Variants in RAD51 observed in about 807,000 individuals in gnomAD.
RAD51 encodes DNA repair protein RAD51 homolog 1.
RAD51 carries 14 observed loss-of-function variants against 41.5 expected under a neutral mutation model. The observed-to-expected ratio is 0.34, with a 90% CI of 0.22 to 0.53. RAD51 has a LOEUF of 0.53. Ranked by LOEUF, RAD51 falls within the 20% of genes least tolerant of loss-of-function variation. The pLI is 0.95. For missense variants in RAD51, 234 were observed against 422.0 expected (o/e 0.55, Z 3.90); for synonymous variants, 136 against 148.6 (o/e 0.92, Z 0.62).
chr15:40,728,440 AG>A (rs1446922892), intron 6 of RAD51, among the ~76,000 whole-genome samples: 1 of 150,478 alleles, frequency 6.6e-6, no homozygotes, highest in Admixed American at 6.7e-5. Flanking sequence ...TGACAGAGCA[AG>A]ACTCCGTCTC....
At position 40,697,873 on chromosome 15, in the gene RAD51, T is replaced by C. The variant is rs542488530; in HGVS notation, c.-2-884T>C. ...GCCCAAGATGATATTTCAATACATA[T>C]ATACATTGTATAATGAATGATCAAA... is the stretch of plus-strand genomic sequence containing the variant. On this transcript the variant is annotated intron_variant, in intron 1 of 9. Transcript: ENST00000267868. Among the ~76,000 whole-genome samples, 7 of 152,306 alleles carry C rather than the reference T, an allele frequency of 4.6e-5. No homozygotes were observed. The South Asian group carries it at 1.5e-3, about 32-fold the overall frequency.
Position 40,731,198 on chromosome 15 carries a change from G to C in RAD51, c.*20G>C, listed in dbSNP as rs776759010. ...GACTGAATCATTGGGTTTTTCCTCT[G>C]TTAAAAACCTTAAGTGCTGCAGCCT... is the stretch of plus-strand genomic sequence containing the variant. On this transcript the variant is annotated 3_prime_UTR_variant, in exon 10 of 10. Coordinates refer to ENST00000267868, the MANE Select transcript of RAD51 (RefSeq NM_002875.5). 1.2e-6 allele frequency: 2 copies of C among 1,613,748 alleles called. No individual in the cohort carries two copies. Among genetic ancestry groups the C allele is most frequent in the Admixed American group, 3.3e-5 (2 of 59,970 alleles).
In RAD51 at chr15:40,726,171, T is replaced by C. The variant is rs1476930126; in HGVS notation, c.531-2540T>C. Among the ~76,000 whole-genome samples the C allele has an allele frequency of 2.0e-5, 3 of 152,158 alleles. 1 individual carries two copies. Among genetic ancestry groups the C allele is most frequent in the Admixed American group, 2.0e-4 (3 of 15,276 alleles). On this transcript the variant is annotated intron_variant, in intron 6 of 9. Coordinates refer to ENST00000267868, the MANE Select transcript of RAD51 (RefSeq NM_002875.5). ...ATATGTTAAGAATAACCTGAGGTAT[T>C]TGTTAAATATACAGATTACCAGGCT...
At chr15:40,698,047 A>G (rs1234146907) in intron 1 of RAD51, among the ~76,000 whole-genome samples, 1 of 152,156 alleles carries the variant, frequency 6.6e-6, no homozygotes, top group Non-Finnish European at 1.5e-5. Context: ...ATAGAACCCT[A>G]GAACTTATTC....
intron 6 of RAD51, among the ~76,000 whole-genome samples, chr15:40,724,674 CTTTTTTTT>C (rs869156620): frequency 1.1e-5 from 1 of 94,354 alleles, no homozygotes; most frequent in Non-Finnish European, 1.9e-5. Flanking sequence ...TTTTTTATTT[CTTTTTTTT>C]TTTTTTTTTT....
At chr15:40,707,544 T>G (rs1417414682) in intron 4 of RAD51, among the ~76,000 whole-genome samples, 1 of 149,612 alleles carries the variant, frequency 6.7e-6, no homozygotes, top group Admixed American at 6.6e-5. Flanking sequence ...TGACCTCAGA[T>G]GATCTACCCG....
chr15:40,729,372 CAAAAAAAAAA>C (rs60375696), intron 7 of RAD51, 123 bp from the exon 8 acceptor site: 16 of 484,212 alleles, frequency 3.3e-5, no homozygotes, highest in African/African-American at 7.5e-5. Context: ...GACTCCATCT[CAAAAAAAAAA>C]AAAAAAAAAA....
intron 4 of RAD51, among the ~76,000 whole-genome samples, chr15:40,707,319 T>G (rs1595988794): frequency 6.9e-6 from 1 of 145,072 alleles, no homozygotes; most frequent in African/African-American, 2.6e-5. Flanking sequence ...TCTTTCCCTT[T>G]TTTTTGAGAC....
chr15:40,726,279 T>C (rs968286844), intron 6 of RAD51, among the ~76,000 whole-genome samples: 4 of 149,784 alleles, frequency 2.7e-5, no homozygotes, highest in African/African-American at 7.4e-5. Flanking sequence ...GTTTCACTCT[T>C]GTCTCCCAGG....
intron 6 of RAD51, among the ~76,000 whole-genome samples, chr15:40,719,262 T>A (rs1896146131): frequency 6.6e-6 from 1 of 151,892 alleles, no homozygotes; most frequent in Non-Finnish European, 1.5e-5. Context: ...TTTCACCATA[T>A]TGGCCAGGCT....
intron 9 of RAD51, among the ~76,000 whole-genome samples, chr15:40,730,458 C>A (rs181888025): frequency 4.4e-4 from 67 of 150,826 alleles, no homozygotes; most frequent in African/African-American, 1.6e-3. Context: ...GAGCTATGAT[C>A]ACACATCACT....
chr15:40,702,235 G>C (rs1276955831), intron 3 of RAD51, among the ~76,000 whole-genome samples: 1 of 152,142 alleles, frequency 6.6e-6, no homozygotes, highest in Non-Finnish European at 1.5e-5. Flanking sequence ...TTAAAAGATT[G>C]TCATATTGAC....
At chr15:40,722,417 G>GAA (rs35073579) in intron 6 of RAD51, among the ~76,000 whole-genome samples, 5 of 130,556 alleles carry the variant, frequency 3.8e-5, no homozygotes, top group African/African-American at 5.5e-5. Context: ...CTGGCTCGGG[G>GAA]AAAAAAAAAA....
At chr15:40,715,278 C>G (rs1164972927) in intron 5 of RAD51, among the ~76,000 whole-genome samples, 2 of 152,154 alleles carry the variant, frequency 1.3e-5, no homozygotes, top group Non-Finnish European at 2.9e-5. Context: ...TTGCTTGAAC[C>G]TGGGAAGTGG....
intron 6 of RAD51, among the ~76,000 whole-genome samples, chr15:40,724,516 G>GT (rs1305908085): frequency 1.3e-5 from 2 of 151,806 alleles, no homozygotes; most frequent in Non-Finnish European, 2.9e-5. Context: ...TTTGTTGTTT[G>GT]TTTTTTTAGA....
intron 2 of RAD51, among the ~76,000 whole-genome samples, chr15:40,700,334 T>C (rs957758071): frequency 1.3e-5 from 2 of 152,226 alleles, no homozygotes; most frequent in Non-Finnish European, 1.5e-5. Flanking sequence ...TCACTGTTAA[T>C]GTCAGTTGTT....
intron 5 of RAD51, among the ~76,000 whole-genome samples, chr15:40,713,656 G>GA (rs1306146355): frequency 6.7e-6 from 1 of 150,130 alleles, no homozygotes; most frequent in Non-Finnish European, 1.5e-5. Context: ...GCCTGGGCTG[G>GA]AGTGCAGTGG....
rs7161941 is a variant in RAD51, at chr15:40,728,853, T to A, written c.644+29T>A. On this transcript the variant is annotated intron_variant, in intron 7 of 9. Transcript: ENST00000267868. The stretch of plus-strand genomic sequence containing the variant: ...TGTGTTCAGTATAAGACACCAAATA[T>A]GTTCTTAAGAGTCCTTCCCTGAATC... 7,489 of 1,558,394 alleles carry A rather than the reference T, an allele frequency of 4.8e-3. 321 individuals carry two copies. In the African/African-American group the frequency reaches 0.091, roughly 19 times the overall value.
chr15:40,722,953 C>G (rs974573364), intron 6 of RAD51, among the ~76,000 whole-genome samples: 2 of 152,036 alleles, frequency 1.3e-5, no homozygotes, highest in African/African-American at 2.4e-5. Context: ...TTGCAAATTA[C>G]GTATCTGATA....
Sources: gnomAD v4.1 joint callset for allele counts (sites outside exome capture counted in the v4.1 genomes callset) on GRCh38, gnomAD v4.1.1 for gene constraint, MANE v1.5 for transcripts, NCBI Gene and HGNC (gene_info 2026-07-23, HGNC 2026-07-21) for gene names.